MON1A: variants seen among roughly 807,000 people sequenced by gnomAD.
MON1A encodes the protein MON1 vesicular trafficking associated A.
Under a neutral mutation model 44.6 loss-of-function variants are expected in MON1A, and 29 were observed. That is an observed-to-expected ratio of 0.65 (90% CI 0.48 to 0.89). The LOEUF (loss-of-function observed/expected upper bound fraction) is 0.89, where lower values mean the gene tolerates loss of function less well. Among genes scored for constraint, MON1A ranks in the 40% least tolerant of loss-of-function variants. The probability of loss-of-function intolerance (pLI) is 0.00; values close to 1 mark genes in which losing one functional copy is unlikely to be tolerated. For missense variants in MON1A, 615 were observed against 759.6 expected (o/e 0.81, Z 2.24); for synonymous variants, 275 against 316.4 (o/e 0.87, Z 1.39).
At chr3:49,926,994 G>T (rs536978560) in intron 1 of MON1A, among the ~76,000 whole-genome samples, 2 of 151,400 alleles carry the variant, frequency 1.3e-5, no homozygotes, top group South Asian at 4.2e-4. Context: ...GGCCAGGCTG[G>T]TCCCAAACTC....
rs959773039 is a variant in MON1A, at chr3:49,910,823, C to G, written c.675G>C (p.Thr225=). Residue 225 remains threonine, a synonymous_variant, in exon 4 of 6, where the codon ACG becomes ACC. Transcript: ENST00000296473. This position sits in a 1 kb window ranked among gnomAD's most constrained non-coding sequence, Gnocchi z 8.0. ...GCGCCAGCTCTTGTGCCGACTGCCG[C>G]GTACGAGCCACCGCCACTAGCACCA... ...SPLVLVAVAR[T]RQSAQELAQE... 1 of 1,610,802 alleles carries G rather than the reference C, an allele frequency of 6.2e-7. No individual in the cohort carries two copies. Among genetic ancestry groups the G allele is most frequent in the African/African-American group, 1.3e-5 (1 of 74,914 alleles).
chr3:49,922,806 G>A (rs1234911269), intron 1 of MON1A, among the ~76,000 whole-genome samples: 1 of 151,730 alleles, frequency 6.6e-6, no homozygotes, highest in East Asian at 2.0e-4. Context: ...CCACCTCCTG[G>A]GTTCAGGCAA....
At chr3:49,924,604 G>A (rs904526097) in intron 1 of MON1A, 5 of 206,876 alleles carry the variant, frequency 2.4e-5, no homozygotes, top group Non-Finnish European at 4.3e-5. Flanking sequence ...ACTTGAACCC[G>A]GGGGGAGGCA....
At chr3:49,925,639 T>C (rs572359337) in intron 1 of MON1A, among the ~76,000 whole-genome samples, 1 of 152,172 alleles carries the variant, frequency 6.6e-6, no homozygotes, top group African/African-American at 2.4e-5. Context: ...CTTAAGAGGC[T>C]GAGGTGGGAG....
At chr3:49,921,559 A>G (rs2082996708) in intron 1 of MON1A, among the ~76,000 whole-genome samples, 1 of 145,916 alleles carries the variant, frequency 6.9e-6, no homozygotes, top group Non-Finnish European at 1.5e-5. Context: ...TCACCAGGTC[A>G]GGATATCGAG....
intron 1 of MON1A, among the ~76,000 whole-genome samples, chr3:49,918,139 C>CCAGCCTGA (rs1440285578): frequency 6.6e-6 from 1 of 152,004 alleles, no homozygotes; most frequent in Non-Finnish European, 1.5e-5. Flanking sequence ...GAGTTCGCAA[C>CCAGCCTGA]CAGCCTGACT....
At position 49,908,930 on chromosome 3, in the gene MON1A, A is replaced by G; in HGVS notation, c.*84T>C. 1 of 1,489,458 alleles carries G rather than the reference A, an allele frequency of 6.7e-7. No individual in the cohort carries two copies. The allele number at this position is 1,489,458 out of a possible 1,614,324, so 92.3% of individuals were successfully genotyped here. On this transcript the variant is annotated 3_prime_UTR_variant, in exon 6 of 6. Coordinates refer to ENST00000296473, the MANE Select transcript of MON1A (RefSeq NM_032355.4). The stretch of plus-strand genomic sequence containing the variant: ...CACAGTCCCTGCCCGCTGGCTGGGC[A>G]AGAGAGGCCAGCCCCCATCTGGAGG...
chr3:49,911,836 C>T lies in MON1A; in HGVS notation c.303G>A (p.Leu101=). The change falls in exon 3 of 6, where the codon CTG becomes CTA. Residue 101 remains leucine, a synonymous_variant. Transcript: ENST00000296473. The surrounding 1 kb of genome is among the most constrained non-coding windows in gnomAD (Gnocchi z 5.7). ...SQDFSELSTQ[L]TGVARDLQEE... ...CCTGCAGGTCCCGGGCCACACCCGT[C>T]AGCTGGGTGCTTAGCTCGCTAAAGT... The T allele has an allele frequency of 6.2e-7, 1 of 1,614,130 alleles. No homozygotes were observed. The highest frequency in any genetic ancestry group is 8.5e-7 in the Non-Finnish European group (1 of 1,180,016).
chr3:49,909,064 T>C lies in MON1A; in HGVS notation c.1618A>G (p.Ile540Val), dbSNP rs1338938681. 24 of 1,613,912 alleles carry C rather than the reference T, an allele frequency of 1.5e-5. No homozygotes were observed. The highest frequency in any genetic ancestry group is 2.0e-5 in the Non-Finnish European group (24 of 1,179,918). Residue 540 changes from isoleucine (I) to valine (V), a missense_variant, in exon 6 of 6, where the codon ATC (isoleucine) becomes GTC (valine). Transcript: ENST00000296473. The surrounding 1 kb of genome is among the most constrained non-coding windows in gnomAD (Gnocchi z 4.0). ...AAGAGGCGGTCTTCCTCTTTGCGGA[T>C]CCAGCGCATCAGCTTATGGATGGCA... ...VSAIHKLMRWIRKEEDRLFIL... is the reference protein window; with the variant it reads ...VSAIHKLMRWVRKEEDRLFIL...
chr3:49,929,705 G>A lies in MON1A; in HGVS notation c.-110C>T. The A allele has an allele frequency of 1.3e-6, 2 of 1,550,620 alleles. No individual in the cohort carries two copies. Among genetic ancestry groups the A allele is most frequent in the Non-Finnish European group, 1.7e-6 (2 of 1,146,834 alleles). On this transcript the variant is annotated 5_prime_UTR_variant, in exon 1 of 6. An upstream open reading frame in the 5' UTR gains an earlier in-frame stop. Coordinates refer to ENST00000296473, the MANE Select transcript of MON1A (RefSeq NM_032355.4). The stretch of plus-strand genomic sequence containing the variant: ...AAGGGTGTCCGGCCGGGGCCGGCCT[G>A]AGGGCACAGCTTCGCGGGGCCCCGG...
intron 1 of MON1A, among the ~76,000 whole-genome samples, chr3:49,920,091 A>C (rs989947049): frequency 1.1e-4 from 16 of 152,168 alleles, no homozygotes; most frequent in African/African-American, 3.4e-4. Context: ...CATTTCTCCC[A>C]TTCTCTCTAA....
intron 1 of MON1A, among the ~76,000 whole-genome samples, chr3:49,923,289 G>A (rs913590025): frequency 1.9e-4 from 25 of 131,942 alleles, no homozygotes; most frequent in African/African-American, 6.1e-4. Flanking sequence ...TTGAGATCGC[G>A]CCACCGCACT....
chr3:49,929,501 G>T, intron 1 of MON1A, 108 bp downstream of exon 1: 1 of 1,292,830 alleles, frequency 7.7e-7, no homozygotes, highest in Non-Finnish European at 1.1e-6. Context: ...CATTGCAAAC[G>T]ATAGCGTTGA....
intron 1 of MON1A, among the ~76,000 whole-genome samples, chr3:49,919,637 A>G (rs1360247224): frequency 6.6e-6 from 1 of 151,746 alleles, no homozygotes; most frequent in Non-Finnish European, 1.5e-5. Context: ...CCACCACCAC[A>G]CCTGGCTAAT....
chr3:49,919,590 C>T (rs1198735969), intron 1 of MON1A, among the ~76,000 whole-genome samples: 1 of 152,202 alleles, frequency 6.6e-6, no homozygotes, highest in South Asian at 2.1e-4. Context: ...AGCGATGCTC[C>T]TCCCTCAGCC....
intron 1 of MON1A, among the ~76,000 whole-genome samples, chr3:49,918,259 C>G (rs35685299): frequency 6.6e-6 from 1 of 151,792 alleles, no homozygotes; most frequent in African/African-American, 2.4e-5. Context: ...ATTGCTTGTA[C>G]CTGGGAGGCA....
rs1476507952 is a variant in MON1A, at chr3:49,909,778, G to A, written c.1379+341C>T. 2 of 342,028 alleles carry A rather than the reference G, an allele frequency of 5.8e-6. No individual in the cohort carries two copies. Among genetic ancestry groups the A allele is most frequent in the African/African-American group, 2.1e-5 (1 of 48,412 alleles). 21.2% of individuals were successfully genotyped at this position (342,028 alleles called of 1,614,324 possible). A position where few individuals can be genotyped will look rare whatever the true frequency, so the allele number is the denominator to read the frequency against. ...TATCTTCCCAGCCCCTCTGCTGGGG[G>A]AGGGGGTGGAGGAGGGCTGTGCTTC... On this transcript the variant is annotated intron_variant, in intron 4 of 5. Coordinates refer to ENST00000296473, the MANE Select transcript of MON1A (RefSeq NM_032355.4). The surrounding 1 kb of genome is among the most constrained non-coding windows in gnomAD (Gnocchi z 4.0).
intron 1 of MON1A, 116 bp downstream of exon 1, chr3:49,929,493 T>C: frequency 8.2e-7 from 1 of 1,223,418 alleles, no homozygotes; most frequent in Non-Finnish European, 1.2e-6. Flanking sequence ...AGTCTTCCCA[T>C]TGCAAACGAT....
intron 1 of MON1A, 67 bp from the exon 2 acceptor site, chr3:49,913,426 G>GT (rs1013070430): frequency 1.3e-6 from 2 of 1,517,274 alleles, no homozygotes; most frequent in African/African-American, 2.8e-5. Flanking sequence ...AACAGTGGTA[G>GT]TAAGTACAGG....
Sources: allele counts gnomAD v4.1 joint callset (sites outside exome capture counted in the v4.1 genomes callset), GRCh38; gene constraint gnomAD v4.1.1; non-coding constraint Gnocchi (gnomAD v3.1); transcripts MANE v1.5; gene names NCBI Gene and HGNC (gene_info 2026-07-23, HGNC 2026-07-21).